Variants in PCF11 observed in about 807,000 individuals in gnomAD.
PCF11 encodes pre-mRNA cleavage complex 2 protein Pcf11.
A neutral mutation model predicts 166.1 loss-of-function variants in PCF11; 19 were observed. That is an observed-to-expected ratio of 0.11 (90% CI 0.08 to 0.17). The LOEUF (loss-of-function observed/expected upper bound fraction) is 0.17. Ranked by LOEUF, PCF11 falls within the 10% of genes least tolerant of loss-of-function variation. The pLI is 1.00. For synonymous variants in PCF11, 663 were observed against 644.1 expected, an observed-to-expected ratio of 1.03 and a Z score of -0.44; for missense variants, 1,565 against 1,855.5, an observed-to-expected ratio of 0.84 and a Z score of 2.88.
chr11:83,182,922 A>C (rs1465694889), intron 14 of PCF11, 116 bp from the exon 15 acceptor site: 5 of 726,266 alleles, frequency 6.9e-6, no homozygotes, highest in Non-Finnish European at 1.2e-5. Context: ...TTTGGGACCA[A>C]ATAATTTTTG....
intron 9 of PCF11, among the ~76,000 whole-genome samples, chr11:83,175,829 C>T (rs1324401375): frequency 6.6e-6 from 1 of 152,164 alleles, no homozygotes; most frequent in African/African-American, 2.4e-5. Context: ...TGGAATGATT[C>T]CTCACCAATG....
intron 2 of PCF11, among the ~76,000 whole-genome samples, chr11:83,162,415 CAGT>C (rs1271354141): frequency 1.3e-5 from 2 of 152,184 alleles, no homozygotes; most frequent in African/African-American, 4.8e-5. Flanking sequence ...TAGAGAAAAA[CAGT>C]ATATGCAGAA....
chr11:83,161,498 G>A (rs751806870), intron 2 of PCF11, 46 bp downstream of exon 2: 1 of 1,382,898 alleles, frequency 7.2e-7, no homozygotes. Context: ...TAAAAAATGT[G>A]TTCCTGATTA....
chr11:83,170,317 A>G (rs746240304), intron 8 of PCF11, among the ~76,000 whole-genome samples: 16 of 152,154 alleles, frequency 1.1e-4, no homozygotes, highest in Non-Finnish European at 2.2e-4. Flanking sequence ...ATAGACCTCT[A>G]CATTGCAGAA....
At chr11:83,186,952 G>GA (rs1316159571) in exon 16 of PCF11, 2 of 152,270 alleles carry the variant, frequency 1.3e-5, no homozygotes, top group African/African-American at 4.8e-5. Context: ...TCCACATGGA[G>GA]AAGAGGGTCA....
intron 11 of PCF11, among the ~76,000 whole-genome samples, chr11:83,178,513 C>T (rs563964576): frequency 3.3e-5 from 5 of 151,582 alleles, no homozygotes; most frequent in African/African-American, 7.3e-5. Context: ...AAAAAAAAAT[C>T]GGCTGGGCGC....
intron 10 of PCF11, among the ~76,000 whole-genome samples, chr11:83,177,499 T>C (rs911921407): frequency 8.5e-5 from 13 of 152,220 alleles, no homozygotes; most frequent in African/African-American, 3.1e-4. Context: ...ATGAAATAAA[T>C]GACTTTTATT....
intron 11 of PCF11, chr11:83,180,572 T>G (rs1294507262): frequency 1.3e-5 from 2 of 152,712 alleles, no homozygotes; most frequent in Non-Finnish European, 2.9e-5. Flanking sequence ...TCCATACTAT[T>G]ATTATTTCTT....
chr11:83,182,228 T>C (rs1018820528), intron 13 of PCF11, among the ~76,000 whole-genome samples, 171 bp from the exon 14 acceptor site: 1 of 152,240 alleles, frequency 6.6e-6, no homozygotes, highest in African/African-American at 2.4e-5. Context: ...ACTGGAAAGA[T>C]TGACAGAATC....
intron 15 of PCF11, 33 bp downstream of exon 15, chr11:83,183,106 A>T: frequency 8.1e-7 from 1 of 1,232,852 alleles, no homozygotes; most frequent in Admixed American, 2.6e-5. Flanking sequence ...ATTTGTTCTC[A>T]TTTGCATTAA....
At chr11:83,168,966 G>T (rs370737337) in exon 8 of PCF11, 1 of 1,613,532 alleles carries the variant, frequency 6.2e-7, no homozygotes, top group African/African-American at 1.3e-5. Context: ...GTGGTCTGAG[G>T]TTTGAGGGAC....
chr11:83,169,591 A>G (rs752680122), exon 8 of PCF11: 4 of 1,614,024 alleles, frequency 2.5e-6, no homozygotes, highest in Non-Finnish European at 2.5e-6. Context: ...GGTTCAACCC[A>G]GATTTGACGG....
intron 15 of PCF11, 24 bp downstream of exon 15, chr11:83,183,097 TTTG>T: frequency 7.6e-7 from 1 of 1,309,798 alleles, no homozygotes; most frequent in Non-Finnish European, 1.1e-6. Context: ...GGTTACTGTA[TTTG>T]TTCTCATTTG....
intron 3 of PCF11, 88 bp downstream of exon 3, chr11:83,163,955 T>C: frequency 1.6e-6 from 1 of 625,490 alleles, no homozygotes; most frequent in African/African-American, 1.9e-5. Flanking sequence ...AAAGTCAAAA[T>C]AGAATACTCG....
chr11:83,157,765 C>G (rs976860534), intron 1 of PCF11, 134 bp downstream of exon 1: 8 of 788,170 alleles, frequency 1.0e-5, no homozygotes, highest in Non-Finnish European at 4.1e-6. Flanking sequence ...CCCTCCAACT[C>G]AGGCTCGGTC....
intron 9 of PCF11, among the ~76,000 whole-genome samples, chr11:83,175,663 A>C (rs1590934106): frequency 1.3e-5 from 2 of 152,328 alleles, no homozygotes; most frequent in African/African-American, 4.8e-5. Flanking sequence ...CTGAGGCAGG[A>C]GAACGGTGTG....
chr11:83,177,105 C>G lies in PCF11; in HGVS notation c.3778C>G (p.Pro1260Ala), dbSNP rs372240022. The G allele has an allele frequency of 2.3e-5, 36 of 1,561,594 alleles. No individual in the cohort carries two copies. In the Middle Eastern group the frequency reaches 5.0e-4, roughly 22 times the overall value. Residue 1260 changes from proline (P) to alanine (A), a missense_variant, in exon 10 of 16, where the codon CCT (proline) becomes GCT (alanine). Pro to Ala is a conservative substitution (Grantham distance 27). Transcript: ENST00000298281. ...GTTAGGAGCCCTCCCTAAGGCATATCCTGATAATCATCTCAGTCAGGTGGA... is the reference window on the plus strand; with the variant it reads ...GTTAGGAGCCCTCCCTAAGGCATATGCTGATAATCATCTCAGTCAGGTGGA...
intron 4 of PCF11, among the ~76,000 whole-genome samples, 194 bp from the exon 5 acceptor site, chr11:83,165,406 A>G (rs1860409365): frequency 1.3e-5 from 2 of 152,260 alleles, no homozygotes; most frequent in Non-Finnish European, 2.9e-5. Context: ...CTAGTAAGAA[A>G]TAATGGGCAA....
At chr11:83,165,879 A>G in exon 5 of PCF11, 1 of 1,605,260 alleles carries the variant, frequency 6.2e-7, no homozygotes, top group Non-Finnish European at 8.5e-7. Context: ...GTCTGATACT[A>G]AGACAAGTAA....
Sources: allele counts gnomAD v4.1 joint callset (sites outside exome capture counted in the v4.1 genomes callset), GRCh38; gene constraint gnomAD v4.1.1; transcripts MANE v1.5; gene names NCBI Gene and HGNC (gene_info 2026-07-23, HGNC 2026-07-21).